The following MANSC1 variants were observed in gnomAD, a reference collection of about 807,000 sequenced individuals.
MANSC1 encodes MANSC domain containing 1, also known as MANSC domain-containing protein 1.
MANSC1 carries 13 observed loss-of-function variants against 14.1 expected under a neutral mutation model. The ratio of observed to expected loss-of-function variants is 0.92; its 90% CI spans 0.60 to 1.46. The LOEUF is 1.46. MANSC1 is among the 40% of genes most tolerant of loss of function. MANSC1 has a pLI of 0.00. For synonymous variants in MANSC1, 227 were observed against 200.7 expected, an observed-to-expected ratio of 1.13 and a Z score of -1.11; for missense variants, 486 against 511.4, an observed-to-expected ratio of 0.95 and a Z score of 0.48.
chr12:12,342,580 T>TG (rs1565803444), intron 2 of MANSC1, among the ~76,000 whole-genome samples: 1 of 84,662 alleles, frequency 1.2e-5, no homozygotes, highest in African/African-American at 4.2e-5. Flanking sequence ...GTCAGTGTTT[T>TG]TTTGTTTTTT....
At chr12:12,334,403 T>C (rs1198486437) in intron 3 of MANSC1, among the ~76,000 whole-genome samples, 2 of 152,166 alleles carry the variant, frequency 1.3e-5, no homozygotes, top group African/African-American at 4.8e-5. Flanking sequence ...GGCAGATAAT[T>C]CATTTTTAAT....
At chr12:12,332,485 A>C (rs1426084048) in intron 3 of MANSC1, among the ~76,000 whole-genome samples, 1 of 152,176 alleles carries the variant, frequency 6.6e-6, no homozygotes, top group Non-Finnish European at 1.5e-5. Context: ...CTGTCTTTGT[A>C]TGACTTGCAA....
intron 3 of MANSC1, 57 bp from the exon 4 acceptor site, chr12:12,331,015 TA>T: frequency 6.4e-6 from 7 of 1,099,586 alleles, no homozygotes; most frequent in Non-Finnish European, 6.6e-6. Context: ...TACGGTAGGT[TA>T]AAAAAATACA....
intron 1 of MANSC1, among the ~76,000 whole-genome samples, chr12:12,348,549 A>G (rs1367886217): frequency 6.6e-6 from 1 of 152,184 alleles, no homozygotes; most frequent in Non-Finnish European, 1.5e-5. Context: ...GAGTGGGAGG[A>G]TGAATCGGTG....
At chr12:12,338,090 C>T (rs1443639543) in intron 3 of MANSC1, among the ~76,000 whole-genome samples, 1 of 152,156 alleles carries the variant, frequency 6.6e-6, no homozygotes, top group Non-Finnish European at 1.5e-5. Context: ...AAGTCTTCAC[C>T]CTTTCAAAAC....
chr12:12,339,104 C>T lies in MANSC1; in HGVS notation c.224-544G>A, dbSNP rs554809518. The T allele has an allele frequency of 1.2e-4, 20 of 161,362 alleles. No individual in the cohort carries two copies. In the South Asian group the frequency reaches 2.9e-3, roughly 23 times the overall value. The allele number at this position is 161,362 out of a possible 1,614,324, so 10.0% of individuals were successfully genotyped here. A position where few individuals can be genotyped will look rare whatever the true frequency, so the allele number is the denominator to read the frequency against. On this transcript the variant is annotated intron_variant, in intron 2 of 3. Coordinates refer to ENST00000535902, the MANE Select transcript of MANSC1 (RefSeq NM_018050.4). ...TGGTGTTCACTGTGGATGCCAGGGC[C>T]GGCAAGCACCAAAGAGGCTGTGAAG...
chr12:12,335,168 T>A (rs991218055), intron 3 of MANSC1, among the ~76,000 whole-genome samples: 1 of 152,036 alleles, frequency 6.6e-6, no homozygotes, highest in African/African-American at 2.4e-5. Flanking sequence ...TCCTGTCAAC[T>A]CTACTTCGGA....
chr12:12,341,079 G>A (rs566886390), intron 2 of MANSC1, among the ~76,000 whole-genome samples: 16 of 152,044 alleles, frequency 1.1e-4, no homozygotes, highest in Middle Eastern at 3.4e-3. Context: ...TTATGGGCTC[G>A]GTATCACAAG....
chr12:12,347,287 C>G (rs796375117), intron 1 of MANSC1, among the ~76,000 whole-genome samples: 89 of 152,306 alleles, frequency 5.8e-4, no homozygotes, highest in African/African-American at 1.9e-3. Flanking sequence ...GCATTAGATT[C>G]TCATAAGGAG....
chr12:12,343,030 C>T, intron 2 of MANSC1, 62 bp downstream of exon 2: 1 of 1,158,092 alleles, frequency 8.6e-7, no homozygotes, highest in Non-Finnish European at 1.3e-6. Context: ...TCAGCCACAT[C>T]CCCCAGCTCC....
chr12:12,334,209 C>T (rs1212351635), intron 3 of MANSC1, among the ~76,000 whole-genome samples: 1 of 150,962 alleles, frequency 6.6e-6, no homozygotes, highest in Admixed American at 6.6e-5. Flanking sequence ...GAGCCATGAT[C>T]GCGCCGCTGC....
chr12:12,340,391 T>C (rs764216467), intron 2 of MANSC1, among the ~76,000 whole-genome samples: 1 of 152,236 alleles, frequency 6.6e-6, no homozygotes, highest in Non-Finnish European at 1.5e-5. Flanking sequence ...GCAGGAGTTT[T>C]ATCACGTCAT....
In MANSC1 at chr12:12,338,384, C is replaced by A. The variant is rs199934747; in HGVS notation, c.364+36G>T. On this transcript the variant is annotated intron_variant, in intron 3 of 3. Transcript: ENST00000535902. ...TCACATGAACCAGTCTTAAATTATT[C>A]CAATCACAAAAGAAAAAGTATAATG... The A allele has an allele frequency of 2.6e-6, 4 of 1,524,180 alleles. No individual in the cohort carries two copies. In the East Asian group the frequency reaches 9.5e-5, roughly 36 times the overall value. 94.4% of individuals were successfully genotyped at this position (1,524,180 alleles called of 1,614,324 possible). A position where few individuals can be genotyped will look rare whatever the true frequency, so the allele number is the denominator to read the frequency against.
rs1862719388 is a variant in MANSC1, at chr12:12,327,185, C to T, written c.*2842G>A. ...GAGGATGTTTGAGCAGAAGGACCTA[C>T]CTCATCTTCTCACCTGTTCTAGGCT... On this transcript the variant is annotated 3_prime_UTR_variant, in exon 4 of 4. Coordinates refer to ENST00000535902, the MANE Select transcript of MANSC1 (RefSeq NM_018050.4). 1 of 152,248 alleles carries T rather than the reference C, an allele frequency of 6.6e-6. No individual in the cohort carries two copies. The highest frequency in any genetic ancestry group is 1.5e-5 in the Non-Finnish European group (1 of 68,086). 9.4% of individuals were successfully genotyped at this position (152,248 alleles called of 1,614,324 possible).
intron 3 of MANSC1, 110 bp downstream of exon 3, chr12:12,338,310 G>A: frequency 5.2e-6 from 5 of 961,824 alleles, no homozygotes; most frequent in Non-Finnish European, 7.4e-6. Context: ...TTTCTGATAT[G>A]TCTGGTACCC....
rs1273667891 is a variant in MANSC1, at chr12:12,330,715, T to G, written c.608A>C (p.His203Pro). 1.2e-6 allele frequency: 2 copies of G among 1,614,236 alleles called. No homozygotes were observed. The highest frequency in any genetic ancestry group is 2.7e-5 in the African/African-American group (2 of 75,070). The part of the protein sequence containing the change: ...AQLLAYKEKG[H>P]SQSSQFSSDQ... Reference sequence around the variant, plus strand: ...AGAGGAAAATTGTGAACTCTGAGAATGGCCTTTTTCCTTATAAGCAAGGAG... The same window carrying G: ...AGAGGAAAATTGTGAACTCTGAGAAGGGCCTTTTTCCTTATAAGCAAGGAG... Residue 203 changes from histidine to proline, a missense_variant, in exon 4 of 4, where the codon CAT becomes CCT. Physicochemically the swap from His to Pro is moderately conservative, Grantham distance 77. Coordinates refer to ENST00000535902, the MANE Select transcript of MANSC1 (RefSeq NM_018050.4).
chr12:12,338,545 T>G lies in MANSC1; in HGVS notation c.239A>C (p.Asn80Thr). 2 of 1,612,986 alleles carry G rather than the reference T, an allele frequency of 1.2e-6. No homozygotes were observed. The highest frequency in any genetic ancestry group is 1.7e-4 in the Middle Eastern group (1 of 6,058). ...TTTTCGAGTGTCGAAGATCATCAAG[T>G]TACATGCTTTGTCCCCTGCAATGAA... The part of the protein sequence containing the change: ...TKNISGDKAC[N>T]LMIFDTRKTA... The change falls in exon 3 of 4, where the codon AAC (asparagine) becomes ACC (threonine). Residue 80 changes from asparagine to threonine, a missense_variant. Transcript: ENST00000535902.
intron 3 of MANSC1, among the ~76,000 whole-genome samples, chr12:12,337,980 G>A (rs61922044): frequency 0.088 from 13,373 of 152,150 alleles, 638 homozygotes; most frequent in Non-Finnish European, 0.11. Flanking sequence ...ACGAGATTGG[G>A]TGCGTTCAGG....
At chr12:12,342,197 C>T (rs1309942078) in intron 2 of MANSC1, among the ~76,000 whole-genome samples, 1 of 152,210 alleles carries the variant, frequency 6.6e-6, no homozygotes, top group Non-Finnish European at 1.5e-5. Context: ...CCTGCCTTGG[C>T]CTCTCAAAGT....
Sources: allele counts gnomAD v4.1 joint callset (sites outside exome capture counted in the v4.1 genomes callset), GRCh38; gene constraint gnomAD v4.1.1; transcripts MANE v1.5; gene names NCBI Gene and HGNC (gene_info 2026-07-23, HGNC 2026-07-21).